SLIT3: variants seen among roughly 807,000 people sequenced by gnomAD.
The protein encoded by SLIT3 is slit guidance ligand 3.
In SLIT3, 68 loss-of-function variants were observed where a neutral mutation model predicts 184.0. The observed-to-expected ratio is 0.37, with a 90% confidence interval of 0.30 to 0.45. SLIT3 has a LOEUF of 0.45. Ranked by LOEUF, SLIT3 falls within the 20% of genes least tolerant of loss-of-function variation. The pLI is 1.00. For missense variants in SLIT3, 1,707 were observed against 2,026.0 expected, an observed-to-expected ratio of 0.84 and a Z score of 3.02; for synonymous variants, 831 against 828.6, an observed-to-expected ratio of 1.00 and a Z score of -0.05.
chr5:169,073,424 G>T (rs1758623431), intron 4 of SLIT3, among the ~76,000 whole-genome samples: 3 of 151,640 alleles, frequency 2.0e-5, no homozygotes. Flanking sequence ...CTTTGGTACT[G>T]CACCTCCTTC....
At chr5:169,239,410 T>C (rs1321414025) in intron 3 of SLIT3, among the ~76,000 whole-genome samples, 1 of 152,156 alleles carries the variant, frequency 6.6e-6, no homozygotes, top group Non-Finnish European at 1.5e-5. Flanking sequence ...ACTTTATTCC[T>C]TAAAACTTTG....
At chr5:169,054,395 C>G (rs1044926203) in intron 4 of SLIT3, among the ~76,000 whole-genome samples, 12 of 152,118 alleles carry the variant, frequency 7.9e-5, no homozygotes, top group Non-Finnish European at 1.3e-4. Flanking sequence ...TTTTGGACTT[C>G]TATCCTGCAG....
At chr5:169,251,298 G>T in intron 2 of SLIT3, 90 bp downstream of exon 2, 2 of 864,592 alleles carry the variant, frequency 2.3e-6, no homozygotes, top group South Asian at 1.3e-5. Context: ...TCCAGGGCTT[G>T]GGAGTGTGAT....
chr5:168,757,183 C>T (rs561220558), intron 16 of SLIT3, among the ~76,000 whole-genome samples: 8 of 152,152 alleles, frequency 5.3e-5, no homozygotes, highest in East Asian at 1.9e-4. Context: ...CAGGAAACCA[C>T]AAAATGTAAA....
chr5:169,104,588 A>G (rs967737632), intron 4 of SLIT3, among the ~76,000 whole-genome samples: 22 of 152,198 alleles, frequency 1.4e-4, no homozygotes, highest in Non-Finnish European at 2.8e-4. Flanking sequence ...TTCTCCTTGG[A>G]AACTGAGCAC....
intron 3 of SLIT3, among the ~76,000 whole-genome samples, chr5:169,241,759 A>G (rs753862686): frequency 6.6e-6 from 1 of 152,194 alleles, no homozygotes; most frequent in Admixed American, 6.5e-5. Context: ...ATATGGTGTC[A>G]TAAGTGGTGT....
intron 14 of SLIT3, among the ~76,000 whole-genome samples, chr5:168,771,326 G>C (rs536729184): frequency 6.6e-6 from 1 of 152,270 alleles, no homozygotes; most frequent in South Asian, 2.1e-4. Flanking sequence ...CATGAGACCA[G>C]GGAAGGAGGT....
intron 1 of SLIT3, among the ~76,000 whole-genome samples, chr5:169,296,110 A>T (rs1284707816): frequency 6.6e-6 from 1 of 152,224 alleles, no homozygotes; most frequent in African/African-American, 2.4e-5. Flanking sequence ...TTAATAACTC[A>T]TGTCATAGGT....
chr5:169,235,119 T>C (rs1421921656), intron 3 of SLIT3, among the ~76,000 whole-genome samples: 2 of 152,212 alleles, frequency 1.3e-5, no homozygotes, highest in African/African-American at 4.8e-5. Flanking sequence ...AGTTTTGTTT[T>C]GTTCCATTGT....
chr5:169,261,953 C>T (rs1248208537), intron 1 of SLIT3, among the ~76,000 whole-genome samples: 1 of 152,196 alleles, frequency 6.6e-6, no homozygotes, highest in Non-Finnish European at 1.5e-5. Flanking sequence ...CTACCCACAA[C>T]CAACCAAGAA....
intron 1 of SLIT3, among the ~76,000 whole-genome samples, chr5:169,252,269 G>A (rs1765801227): frequency 6.6e-6 from 1 of 152,130 alleles, no homozygotes; most frequent in South Asian, 2.1e-4. Context: ...ACCCAGTAGA[G>A]GTAACTTAAC....
chr5:168,899,579 G>C (rs563760638), intron 4 of SLIT3, among the ~76,000 whole-genome samples: 40 of 152,288 alleles, frequency 2.6e-4, no homozygotes, highest in African/African-American at 9.4e-4. Context: ...TACTACTGTT[G>C]TGGATCCCTT....
rs139729506 is a variant in SLIT3, at chr5:168,755,389, A to ATTTCTTTCTTTCTTTCTTTC, written c.1686-1402_1686-1383dup. On this transcript the variant is annotated intron_variant, in intron 16 of 35. Transcript: ENST00000519560. The stretch of plus-strand genomic sequence containing the variant: ...GTCCTATCAAACCCTCAGTGCCGCC[A>ATTTCTTTCTTTCTTTCTTTC]TTTCTTTCTTTCTTTCTTTCTTTCT... Among the ~76,000 whole-genome samples, 198 of 133,768 alleles carry ATTTCTTTCTTTCTTTCTTTC rather than the reference A, an allele frequency of 1.5e-3. 7 individuals are homozygous for ATTTCTTTCTTTCTTTCTTTC. Among genetic ancestry groups the ATTTCTTTCTTTCTTTCTTTC allele is most frequent in the Admixed American group, 5.0e-3 (63 of 12,640 alleles). The allele number at this position is 133,768 out of a possible 152,430, so 87.8% of individuals were successfully genotyped here.
At position 169,047,157 on chromosome 5, in the gene SLIT3, C is replaced by T. The variant is rs991628030; in HGVS notation, c.413+146322G>A. On this transcript the variant is annotated intron_variant, in intron 4 of 35. Coordinates refer to ENST00000519560, the MANE Select transcript of SLIT3 (RefSeq NM_003062.4). ...TGTCCTGCAGACGCCCCCAACTCAA[C>T]GGGCCCAAAAGTGCACTCACTGACT... Among the ~76,000 whole-genome samples, 6 of 152,138 alleles carry T rather than the reference C, an allele frequency of 3.9e-5. No individual in the cohort carries two copies. The South Asian group carries it at 1.0e-3, about 26-fold the overall frequency.
chr5:168,666,402 C>G lies in SLIT3; in HGVS notation c.*52G>C, dbSNP rs1582504758. On this transcript the variant is annotated 3_prime_UTR_variant, in exon 36 of 36. Coordinates refer to ENST00000519560, the MANE Select transcript of SLIT3 (RefSeq NM_003062.4). ...TCACCAGGGGGTCCCACATGGCTGT[C>G]CCAACTCCATCAAGCTGGAGTCCGA... is the stretch of plus-strand genomic sequence containing the variant. 2 of 1,493,038 alleles carry G rather than the reference C, an allele frequency of 1.3e-6. No homozygotes were observed. The highest frequency in any genetic ancestry group is 2.3e-5 in the East Asian group (1 of 43,024). 92.5% of individuals were successfully genotyped at this position (1,493,038 alleles called of 1,614,324 possible).
At chr5:169,254,211 G>T (rs1765871845) in intron 1 of SLIT3, among the ~76,000 whole-genome samples, 1 of 152,166 alleles carries the variant, frequency 6.6e-6, no homozygotes, top group Non-Finnish European at 1.5e-5. Context: ...CAAAGCTGGG[G>T]ATTCAACACA....
intron 4 of SLIT3, among the ~76,000 whole-genome samples, chr5:169,097,353 GGATA>G (rs1473673590): frequency 6.6e-5 from 10 of 151,914 alleles, no homozygotes; most frequent in African/African-American, 2.2e-4. Flanking sequence ...AAAGGAAGAT[GGATA>G]GATAAATGGG....
intron 28 of SLIT3, among the ~76,000 whole-genome samples, chr5:168,695,498 C>A (rs1221060359): frequency 6.6e-6 from 1 of 152,164 alleles, no homozygotes; most frequent in Non-Finnish European, 1.5e-5. Context: ...AACTTCTTGT[C>A]TCATGGGGAT....
intron 4 of SLIT3, among the ~76,000 whole-genome samples, chr5:168,990,669 A>T (rs541589481): frequency 6.6e-6 from 1 of 152,154 alleles, no homozygotes; most frequent in South Asian, 2.1e-4. Flanking sequence ...GGGTCTTCAA[A>T]CTCTTTTTAA....
Sources: allele counts gnomAD v4.1 joint callset (sites outside exome capture counted in the v4.1 genomes callset), GRCh38; gene constraint gnomAD v4.1.1; transcripts MANE v1.5; gene names NCBI Gene and HGNC (gene_info 2026-07-23, HGNC 2026-07-21).